Variants in KIF26B observed in about 807,000 individuals in gnomAD.
The protein encoded by KIF26B is kinesin-like protein KIF26B.
KIF26B carries 63 observed loss-of-function variants against 151.2 expected under a neutral mutation model. That is an observed-to-expected ratio of 0.42 (90% confidence interval 0.34 to 0.51). The LOEUF (loss-of-function observed/expected upper bound fraction) is 0.51. KIF26B is among the 20% of genes least tolerant of loss of function. The pLI is 0.07. For missense variants in KIF26B, 2,813 were observed against 2,913.6 expected (o/e 0.97, Z 0.79); for synonymous variants, 1,357 against 1,262.1 (o/e 1.08, Z -1.59).
intron 4 of KIF26B, among the ~76,000 whole-genome samples, chr1:245,441,538 G>A (rs963872945): frequency 2.0e-5 from 3 of 151,908 alleles, no homozygotes; most frequent in South Asian, 2.1e-4. Flanking sequence ...TTCATCCGCC[G>A]GCTCCTGGGA....
At chr1:245,220,309 C>T (rs1207890763) in intron 2 of KIF26B, among the ~76,000 whole-genome samples, 2 of 152,196 alleles carry the variant, frequency 1.3e-5, no homozygotes, top group African/African-American at 4.8e-5. Context: ...GTCTAATTCT[C>T]ACAGTAACCC....
Position 245,698,607 on chromosome 1 carries a change from T to C in KIF26B, c.6028-280T>C, listed in dbSNP as rs1285703202. On this transcript the variant is annotated intron_variant, in intron 13 of 14. Coordinates refer to ENST00000407071, the MANE Select transcript of KIF26B (RefSeq NM_018012.4). The surrounding 1 kb of genome is among the most constrained non-coding windows in gnomAD (Gnocchi z 4.0). The stretch of plus-strand genomic sequence containing the variant: ...GAGGCTCCCAGTCTTAACCAACCTT[T>C]GTCCAACTTGAACACCCACCACCTG... 6.6e-6 allele frequency among the ~76,000 whole-genome samples: 1 copy of C among 152,208 alleles called. No individual in the cohort carries two copies. The highest frequency in any genetic ancestry group is 2.4e-5 in the African/African-American group (1 of 41,450).
At chr1:245,364,710 G>A (rs993933692) in intron 2 of KIF26B, among the ~76,000 whole-genome samples, 3 of 152,004 alleles carry the variant, frequency 2.0e-5, no homozygotes, top group Non-Finnish European at 2.9e-5. Flanking sequence ...ATGAGCCACC[G>A]CGCCCGGCTG....
intron 3 of KIF26B, among the ~76,000 whole-genome samples, chr1:245,378,882 A>G (rs1673337192): frequency 6.6e-6 from 1 of 152,138 alleles, no homozygotes; most frequent in Non-Finnish European, 1.5e-5. Context: ...TCCTCTGCAG[A>G]GTGGAAACTT....
intron 2 of KIF26B, among the ~76,000 whole-genome samples, chr1:245,180,547 T>G (rs1180256546): frequency 6.6e-6 from 1 of 152,192 alleles, no homozygotes; most frequent in Admixed American, 6.5e-5. Flanking sequence ...AGCTATCATC[T>G]CCAGTTTCTA....
At chr1:245,549,560 T>A (rs143620576) in intron 5 of KIF26B, among the ~76,000 whole-genome samples, 172 of 152,336 alleles carry the variant, frequency 1.1e-3, no homozygotes, top group African/African-American at 4.0e-3. Flanking sequence ...TTTGTTATAA[T>A]TATCCCATTA....
intron 11 of KIF26B, 52 bp from the exon 12 acceptor site, chr1:245,685,353 C>T (rs1043171710): frequency 9.6e-6 from 14 of 1,453,136 alleles, no homozygotes; most frequent in South Asian, 2.6e-5. Flanking sequence ...GCTGGGCTCC[C>T]GGGGAAACTG....
At chr1:245,160,021 T>C (rs985381695) in intron 2 of KIF26B, among the ~76,000 whole-genome samples, 1 of 152,246 alleles carries the variant, frequency 6.6e-6, no homozygotes, top group Non-Finnish European at 1.5e-5. Context: ...CTGAGCTTTC[T>C]GGAAAGAGAT....
Position 245,495,032 on chromosome 1 carries a change from G to GAGAAA in KIF26B, c.1167-45719_1167-45715dup, listed in dbSNP as rs146169441. On this transcript the variant is annotated intron_variant, in intron 4 of 14. Coordinates refer to ENST00000407071, the MANE Select transcript of KIF26B (RefSeq NM_018012.4). This position sits in a 1 kb window ranked among gnomAD's most constrained non-coding sequence, Gnocchi z 4.2. Reference sequence around the variant, plus strand: ...GTGACAGAGATCCTGTCTCACAAAAGAGAAAAGAAAAGAAAAGAAATAAAG... The same window carrying GAGAAA: ...GTGACAGAGATCCTGTCTCACAAAAGAGAAAAGAAAAGAAAAGAAAAGAAATAAAG... 7.2e-5 allele frequency among the ~76,000 whole-genome samples: 11 copies of GAGAAA among 151,994 alleles called. No homozygotes were observed. The highest frequency in any genetic ancestry group is 5.8e-4 in the East Asian group (3 of 5,176).
chr1:245,681,359 G>A (rs1197848333), intron 10 of KIF26B, among the ~76,000 whole-genome samples: 2 of 152,104 alleles, frequency 1.3e-5, no homozygotes, highest in South Asian at 2.1e-4. Context: ...ACAGGTGCCC[G>A]CCACCACGCC....
At chr1:245,455,909 A>T (rs1659508477) in intron 4 of KIF26B, among the ~76,000 whole-genome samples, 1 of 152,236 alleles carries the variant, frequency 6.6e-6, no homozygotes, top group Non-Finnish European at 1.5e-5. Context: ...ATCAAAATGA[A>T]GAGCCACTTC....
intron 3 of KIF26B, among the ~76,000 whole-genome samples, chr1:245,368,952 T>G (rs902324323): frequency 1.3e-5 from 2 of 151,978 alleles, no homozygotes; most frequent in Non-Finnish European, 2.9e-5. Flanking sequence ...CTGGGCATCC[T>G]GGCGAAAACC....
rs946958412 is a variant in KIF26B at position 245,631,515 on chromosome 1, ATTTGG to A, written c.2099-14603_2099-14599del. On this transcript the variant is annotated intron_variant, in intron 9 of 14. Transcript: ENST00000407071. ...TATTATGTTATTGGTGTGTTGTTAGATTTGGTTCGCTAGTATTTTTTAGATGATTT... is the reference window on the plus strand; with the variant it reads ...TATTATGTTATTGGTGTGTTGTTAGATTCGCTAGTATTTTTTAGATGATTT... Among the ~76,000 whole-genome samples, 11 of 152,144 alleles carry A rather than the reference ATTTGG, an allele frequency of 7.2e-5. No individual in the cohort carries two copies. The Middle Eastern group carries it at 0.014, about 188-fold the overall frequency.
intron 2 of KIF26B, among the ~76,000 whole-genome samples, chr1:245,336,525 G>T (rs1672236913): frequency 6.6e-6 from 1 of 152,210 alleles, no homozygotes; most frequent in Non-Finnish European, 1.5e-5. Context: ...GTGGAATCAG[G>T]ACTAGCTGGA....
chr1:245,381,490 T>G (rs943426858), intron 3 of KIF26B, among the ~76,000 whole-genome samples: 7 of 151,990 alleles, frequency 4.6e-5, no homozygotes, highest in African/African-American at 1.5e-4. Context: ...TTTTTTGGTG[T>G]TTTCTTTTTG....
At chr1:245,528,797 C>T (rs951282413) in intron 4 of KIF26B, among the ~76,000 whole-genome samples, 10 of 152,146 alleles carry the variant, frequency 6.6e-5, no homozygotes, top group Middle Eastern at 3.2e-3. Flanking sequence ...TAGAGCAAGT[C>T]GCCACCTTCC....
At chr1:245,648,331 A>T (rs1406375776) in intron 10 of KIF26B, among the ~76,000 whole-genome samples, 2 of 152,186 alleles carry the variant, frequency 1.3e-5, no homozygotes, top group Non-Finnish European at 2.9e-5. Flanking sequence ...TGGGTTTTTT[A>T]TAAATGAGTA....
intron 5 of KIF26B, among the ~76,000 whole-genome samples, chr1:245,558,750 G>A (rs1029169225): frequency 2.6e-5 from 4 of 152,162 alleles, no homozygotes; most frequent in Admixed American, 6.5e-5. Flanking sequence ...ACATAACGTC[G>A]GGGAAAACTC....
At chr1:245,396,661 AAAC>A (rs1288665862) in intron 3 of KIF26B, among the ~76,000 whole-genome samples, 2 of 151,988 alleles carry the variant, frequency 1.3e-5, no homozygotes, top group Non-Finnish European at 2.9e-5. Context: ...AACAAAAAAA[AAAC>A]AACAACTATT....
Sources: gnomAD v4.1 joint callset for allele counts (sites outside exome capture counted in the v4.1 genomes callset) on GRCh38, gnomAD v4.1.1 for gene constraint, Gnocchi (gnomAD v3.1) non-coding constraint, MANE v1.5 for transcripts, NCBI Gene and HGNC (gene_info 2026-07-23, HGNC 2026-07-21) for gene names.